Variants in BBS9 observed in about 807,000 individuals in gnomAD.
The protein encoded by BBS9 is protein PTHB1.
In BBS9, 89 loss-of-function variants were observed where a neutral mutation model predicts 117.7. The observed-to-expected ratio is 0.76, with a 90% CI of 0.64 to 0.90. The LOEUF is 0.90. Ranked by LOEUF, BBS9 falls within the 40% of genes least tolerant of loss-of-function variation. The pLI is 0.00. For synonymous variants in BBS9, 379 were observed against 370.9 expected, an observed-to-expected ratio of 1.02 and a Z score of -0.25; for missense variants, 982 against 1,042.2, an observed-to-expected ratio of 0.94 and a Z score of 0.80.
At chr7:33,198,696 A>G (rs1256244190) in intron 5 of BBS9, among the ~76,000 whole-genome samples, 1 of 152,008 alleles carries the variant, frequency 6.6e-6, no homozygotes, top group African/African-American at 2.4e-5. Context: ...TCAATAATAA[A>G]GTATAACATA....
chr7:33,196,204 T>C (rs1335794710), intron 5 of BBS9, among the ~76,000 whole-genome samples: 1 of 152,034 alleles, frequency 6.6e-6, no homozygotes, highest in Non-Finnish European at 1.5e-5. Context: ...TTTTAAAAAA[T>C]TAAAAAAAAA....
chr7:33,566,395 T>C (rs1345822080), intron 21 of BBS9, among the ~76,000 whole-genome samples: 2 of 151,942 alleles, frequency 1.3e-5, no homozygotes, highest in African/African-American at 2.4e-5. Flanking sequence ...GTATACATTA[T>C]GTATATATAT....
downstream of BBS9, among the ~76,000 whole-genome samples, chr7:33,607,651 G>T: frequency 6.6e-6 from 1 of 151,584 alleles, no homozygotes; most frequent in South Asian, 2.1e-4. Context: ...TTTAATTATA[G>T]ACAATTTGTA....
intron 20 of BBS9, among the ~76,000 whole-genome samples, chr7:33,527,609 C>T (rs1166794350): frequency 1.3e-5 from 2 of 152,194 alleles, no homozygotes; most frequent in African/African-American, 2.4e-5. Flanking sequence ...CTTCGGCTCG[C>T]GCACGGTGCG....
chr7:33,286,805 T>C (rs541078615), intron 9 of BBS9, among the ~76,000 whole-genome samples: 2 of 152,278 alleles, frequency 1.3e-5, no homozygotes, highest in Admixed American at 6.5e-5. Flanking sequence ...GCCTGTTTTT[T>C]AGAACTAGCT....
At chr7:33,584,958 G>C (rs187709005) in intron 21 of BBS9, among the ~76,000 whole-genome samples, 1 of 151,828 alleles carries the variant, frequency 6.6e-6, no homozygotes, top group African/African-American at 2.4e-5. Flanking sequence ...TCCTCTATGA[G>C]CTCCTTTGAA....
intron 1 of BBS9, among the ~76,000 whole-genome samples, chr7:33,137,953 A>G (rs1371834355): frequency 6.6e-6 from 1 of 152,244 alleles, no homozygotes; most frequent in East Asian, 1.9e-4. Context: ...GAAATAATTA[A>G]GGTAGCCATG....
chr7:33,317,653 T>G (rs561319995), intron 9 of BBS9, among the ~76,000 whole-genome samples: 1 of 152,304 alleles, frequency 6.6e-6, no homozygotes, highest in Admixed American at 6.5e-5. Context: ...CATCTTTTCT[T>G]TCCTGGATTT....
intron 21 of BBS9, among the ~76,000 whole-genome samples, chr7:33,588,611 A>G (rs1861355100): frequency 1.3e-5 from 2 of 152,188 alleles, no homozygotes. Context: ...TGAACTATGT[A>G]TGTGAGAAAG....
At chr7:33,542,759 G>A (rs114711327) in intron 21 of BBS9, among the ~76,000 whole-genome samples, 2,494 of 120,944 alleles carry the variant, frequency 0.021, 42 homozygotes, top group Middle Eastern at 0.068. Flanking sequence ...ATATATACAC[G>A]TATGTATATG....
intron 9 of BBS9, among the ~76,000 whole-genome samples, chr7:33,332,518 A>G (rs1814317848): frequency 3.3e-5 from 5 of 152,190 alleles, no homozygotes; most frequent in Admixed American, 3.3e-4. Context: ...CTGTACTAAA[A>G]ATATAAAAAT....
chr7:33,256,325 T>C (rs1390123413), intron 5 of BBS9, among the ~76,000 whole-genome samples: 1 of 152,242 alleles, frequency 6.6e-6, no homozygotes, highest in Non-Finnish European at 1.5e-5. Context: ...GATTCCTGAA[T>C]GGTTCAGATG....
chr7:33,261,342 G>T (rs186066263), intron 6 of BBS9, among the ~76,000 whole-genome samples: 1 of 152,176 alleles, frequency 6.6e-6, no homozygotes. Flanking sequence ...CCCCTGAAGT[G>T]CCCAGCACTG....
chr7:33,582,807 T>G (rs1860207520), intron 21 of BBS9, among the ~76,000 whole-genome samples: 1 of 152,136 alleles, frequency 6.6e-6, no homozygotes, highest in Non-Finnish European at 1.5e-5. Context: ...GCAACATCCT[T>G]TCCCATCCTC....
In BBS9 at chr7:33,407,277, A is replaced by G. The variant is rs189437546; in HGVS notation, c.2115+19133A>G. On this transcript the variant is annotated intron_variant, in intron 19 of 22. Coordinates refer to ENST00000242067, the MANE Select transcript of BBS9 (RefSeq NM_198428.3). ...ACTTAGTTCTCAAGCCTTGGCTTTC[A>G]GCTCCATCAGCTCCTTTAAGCACTT... Among the ~76,000 whole-genome samples, 885 of 152,270 alleles carry G rather than the reference A, an allele frequency of 5.8e-3. 5 individuals carry two copies. The highest frequency in any genetic ancestry group is 9.8e-3 in the Non-Finnish European group (670 of 68,026).
intron 20 of BBS9, among the ~76,000 whole-genome samples, chr7:33,532,231 C>A (rs1189494067): frequency 6.6e-6 from 1 of 152,162 alleles, no homozygotes; most frequent in Non-Finnish European, 1.5e-5. Context: ...TGAGCGACGG[C>A]CATGTGCAGA....
intron 4 of BBS9, among the ~76,000 whole-genome samples, chr7:33,163,013 T>G (rs1315123258): frequency 6.6e-6 from 1 of 152,218 alleles, no homozygotes; most frequent in Non-Finnish European, 1.5e-5. Context: ...CATCAATACC[T>G]AGTTTATTGA....
At chr7:33,459,276 G>A (rs566738459) in intron 19 of BBS9, among the ~76,000 whole-genome samples, 1 of 152,110 alleles carries the variant, frequency 6.6e-6, no homozygotes, top group East Asian at 1.9e-4. Context: ...CTCTAGAGCT[G>A]TGGTTCTCAA....
intron 12 of BBS9, 58 bp from the exon 13 acceptor site, chr7:33,349,009 TA>T (rs1363331270): frequency 8.4e-7 from 1 of 1,196,036 alleles, no homozygotes; most frequent in Admixed American, 1.7e-5. Context: ...GTAGTTACGA[TA>T]GTCTATCAGT....
Sources: gnomAD v4.1 joint callset for allele counts (sites outside exome capture counted in the v4.1 genomes callset) on GRCh38, gnomAD v4.1.1 for gene constraint, MANE v1.5 for transcripts, NCBI Gene and HGNC (gene_info 2026-07-23, HGNC 2026-07-21) for gene names.